Variants in SAMD3 observed in about 807,000 individuals in gnomAD.
SAMD3 encodes the protein sterile alpha motif domain-containing protein 3.
In SAMD3, 63 loss-of-function variants were observed where a neutral mutation model predicts 58.5. The ratio of observed to expected loss-of-function variants is 1.08; its 90% confidence interval spans 0.88 to 1.33. The LOEUF (loss-of-function observed/expected upper bound fraction) is 1.33. Among genes scored for constraint, SAMD3 ranks in the 40% most tolerant of loss-of-function variants. The probability of loss-of-function intolerance (pLI) is 0.00; values close to 1 mark genes in which losing one functional copy is unlikely to be tolerated. For missense variants in SAMD3, 604 were observed against 608.4 expected (o/e 0.99, Z 0.08); for synonymous variants, 220 against 210.3 (o/e 1.05, Z -0.40).
rs767729221 is a variant in SAMD3 at position 130,154,842 on chromosome 6, A to G, written c.1006T>C (p.Leu336=). 1 of 1,612,330 alleles carries G rather than the reference A, an allele frequency of 6.2e-7. No individual in the cohort carries two copies. Among genetic ancestry groups the G allele is most frequent in the Non-Finnish European group, 8.5e-7 (1 of 1,179,332 alleles). Residue 336 remains leucine (L), a synonymous_variant, in exon 9 of 12, where the codon TTG becomes CTG. Coordinates refer to ENST00000439090, the MANE Select transcript of SAMD3 (RefSeq NM_001017373.4). ...AAAGATACCTGATAAGGGCACTTCAAGAAAGGAAACAGTTTAAGAATGTCC... is the reference window on the plus strand; with the variant it reads ...AAAGATACCTGATAAGGGCACTTCAGGAAAGGAAACAGTTTAAGAATGTCC... ...LKDILKLFPF[L]KCPYQMFREF...
Position 130,260,011 on chromosome 6 carries a change from G to T in SAMD3, c.-187-37198C>A, listed in dbSNP as rs182778677. On this transcript the variant is annotated intron_variant, in intron 2 of 13. Coordinates refer to the SAMD3 transcript ENST00000368134. ...ATCACAAGGATTCTTCAGTTTTTTG[G>T]CCATTTTCTAATTAGTCTTTTGAAC... Among the ~76,000 whole-genome samples the T allele has an allele frequency of 5.3e-5, 8 of 152,186 alleles. No individual in the cohort carries two copies. In the East Asian group the frequency reaches 1.4e-3, roughly 26 times the overall value.
intron 1 of SAMD3, among the ~76,000 whole-genome samples, chr6:130,343,920 G>A (rs374860545): frequency 2.0e-5 from 3 of 151,520 alleles, no homozygotes; most frequent in African/African-American, 7.3e-5. Context: ...AACCGAGGTC[G>A]CACCACTGTA....
intron 2 of SAMD3, among the ~76,000 whole-genome samples, chr6:130,295,378 G>A (rs9388782): frequency 6.6e-6 from 1 of 152,144 alleles, no homozygotes; most frequent in African/African-American, 2.4e-5. Context: ...GGTTTGATGA[G>A]ATGGACTTGG....
rs145324278 is a variant in SAMD3, at chr6:130,296,530, G to A, written c.-188+16448C>T. Reference sequence around the variant, plus strand: ...CTCCTGCCTTCCCCGATAACTTGTTGGGGATGCAACTTCCCACCGGGGGCC... The same window carrying A: ...CTCCTGCCTTCCCCGATAACTTGTTAGGGATGCAACTTCCCACCGGGGGCC... On this transcript the variant is annotated intron_variant, in intron 2 of 13. Coordinates refer to the SAMD3 transcript ENST00000368134. Among the ~76,000 whole-genome samples the A allele has an allele frequency of 1.2e-3, 189 of 152,260 alleles. 1 individual carries two copies. Among genetic ancestry groups the A allele is most frequent in the African/African-American group, 4.4e-3 (181 of 41,556 alleles).
At chr6:130,159,663 C>T (rs539123977) in intron 8 of SAMD3, 9 of 152,166 alleles carry the variant, frequency 5.9e-5, no homozygotes, top group Non-Finnish European at 1.2e-4. Context: ...AAAATTGCAA[C>T]CTTGTCTTTC....
chr6:130,242,894 G>C (rs145230570), intron 2 of SAMD3, among the ~76,000 whole-genome samples: 5 of 152,356 alleles, frequency 3.3e-5, no homozygotes, highest in African/African-American at 1.2e-4. Flanking sequence ...GCCAGGTGAA[G>C]AGGGCAAGTC....
chr6:130,264,579 G>A (rs971205012), intron 2 of SAMD3, among the ~76,000 whole-genome samples: 3 of 152,094 alleles, frequency 2.0e-5, no homozygotes, highest in African/African-American at 7.2e-5. Context: ...TCATAAAGCG[G>A]GAGAAGCCCC....
intron 2 of SAMD3, among the ~76,000 whole-genome samples, chr6:130,239,564 A>G (rs1773283383): frequency 6.6e-6 from 1 of 152,200 alleles, no homozygotes; most frequent in Non-Finnish European, 1.5e-5. Flanking sequence ...AAGAAGTATG[A>G]AGTCCAACTA....
chr6:130,329,907 G>T (rs2115011117), intron 1 of SAMD3, among the ~76,000 whole-genome samples: 1 of 143,644 alleles, frequency 7.0e-6, no homozygotes, highest in Admixed American at 7.1e-5. Context: ...ACACACTGGG[G>T]CCTGTTGGGG....
intron 1 of SAMD3, among the ~76,000 whole-genome samples, chr6:130,222,354 A>G (rs1197096306): frequency 2.0e-5 from 3 of 152,202 alleles, no homozygotes; most frequent in African/African-American, 7.2e-5. Flanking sequence ...AATTACAGTA[A>G]TTTATATTTA....
At chr6:130,145,443 A>T (rs1443465406) in intron 10 of SAMD3, 21 bp from the exon 11 acceptor site, 3 of 1,539,848 alleles carry the variant, frequency 1.9e-6, no homozygotes, top group Non-Finnish European at 2.7e-6. Flanking sequence ...AAATATGTTA[A>T]CATGTGAAGT....
chr6:130,291,457 T>C (rs917548930), intron 2 of SAMD3, among the ~76,000 whole-genome samples: 3 of 152,182 alleles, frequency 2.0e-5, no homozygotes, highest in Non-Finnish European at 4.4e-5. Context: ...AGGCTCATGG[T>C]TGACTCTGTA....
At chr6:130,270,997 GT>G (rs752880656) in intron 2 of SAMD3, among the ~76,000 whole-genome samples, 5,210 of 57,042 alleles carry the variant, frequency 0.091, 93 homozygotes, top group African/African-American at 0.34. Context: ...TGTTTTTTTT[GT>G]TTTTTTTTGT....
Position 130,299,998 on chromosome 6 carries a change from A to G in SAMD3, c.-188+12980T>C, listed in dbSNP as rs9483104. 4.9e-3 allele frequency among the ~76,000 whole-genome samples: 754 copies of G among 152,328 alleles called. 8 individuals are homozygous for G. The highest frequency in any genetic ancestry group is 0.017 in the African/African-American group (726 of 41,582). On this transcript the variant is annotated intron_variant, in intron 2 of 13. Coordinates refer to the SAMD3 transcript ENST00000368134. Reference sequence around the variant, plus strand: ...TACCAAACAATAAAAGCCCTGGACCAGATGCATTTAGAGCCAAATTCTACC... The same window carrying G: ...TACCAAACAATAAAAGCCCTGGACCGGATGCATTTAGAGCCAAATTCTACC...
rs553456176 is a variant in SAMD3 at position 130,262,611 on chromosome 6, T to G, written c.-187-39798A>C. ...AAAAAAAAAAGGTTATAAAAGGAAATTCATGCAAGAAATGTTGTATAATTT... is the reference window on the plus strand; with the variant it reads ...AAAAAAAAAAGGTTATAAAAGGAAAGTCATGCAAGAAATGTTGTATAATTT... On this transcript the variant is annotated intron_variant, in intron 2 of 13. Transcript: ENST00000368134. 5.6e-4 allele frequency among the ~76,000 whole-genome samples: 84 copies of G among 151,202 alleles called. 2 individuals carry two copies. The South Asian group carries it at 0.017, about 30-fold the overall frequency.
chr6:130,159,166 C>A (rs1790059548), intron 8 of SAMD3, among the ~76,000 whole-genome samples: 1 of 152,082 alleles, frequency 6.6e-6, no homozygotes, highest in Non-Finnish European at 1.5e-5. Context: ...ATCATGGGGG[C>A]AAGTCTTTCT....
intron 5 of SAMD3, among the ~76,000 whole-genome samples, chr6:130,188,687 T>A (rs980087433): frequency 6.6e-6 from 1 of 152,202 alleles, no homozygotes. Context: ...ATTGACAAAT[T>A]CAGGGCCTTT....
chr6:130,353,502 G>C (rs935020494), intron 1 of SAMD3, among the ~76,000 whole-genome samples: 1 of 152,094 alleles, frequency 6.6e-6, no homozygotes, highest in Non-Finnish European at 1.5e-5. Context: ...AGGAAATAAA[G>C]GTACAACTTC....
In SAMD3 at chr6:130,214,484, C is replaced by T. The variant is rs142796786; in HGVS notation, c.122G>A (p.Arg41Gln). The T allele has an allele frequency of 8.1e-6, 13 of 1,610,406 alleles. No homozygotes were observed. Among genetic ancestry groups the T allele is most frequent in the African/African-American group, 6.7e-5 (5 of 74,746 alleles). ...SGAALLALNDRMVQQLVKKIG... is the reference protein window; with the variant it reads ...SGAALLALNDQMVQQLVKKIG... ...TTTCTTTACCAGTTGCTGAACCATC[C>T]GATCATTAAGTGCAAGAAGAGCGGC... Residue 41 changes from arginine (R) to glutamine (Q), a missense_variant, in exon 4 of 12, where the codon CGG becomes CAG. Physicochemically the swap from Arg to Gln is conservative, Grantham distance 43 (BLOSUM62 1). Transcript: ENST00000439090.
Sources: gnomAD v4.1 joint callset for allele counts (sites outside exome capture counted in the v4.1 genomes callset) on GRCh38, gnomAD v4.1.1 for gene constraint, MANE v1.5 for transcripts, NCBI Gene and HGNC (gene_info 2026-07-23, HGNC 2026-07-21) for gene names.